The following HLCS variants were observed in gnomAD, a reference collection of about 807,000 sequenced individuals.
HLCS encodes the protein biotin--protein ligase.
HLCS carries 53 observed loss-of-function variants against 75.0 expected under a neutral mutation model. The ratio of observed to expected loss-of-function variants is 0.71; its 90% CI spans 0.57 to 0.89. The LOEUF is 0.89. Among genes scored for constraint, HLCS ranks in the 40% least tolerant of loss-of-function variants. The pLI, the probability that HLCS is intolerant of heterozygous loss-of-function variation, is 0.00. For synonymous variants in HLCS, 431 were observed against 428.6 expected, an observed-to-expected ratio of 1.01 and a Z score of -0.07; for missense variants, 966 against 1,074.0, an observed-to-expected ratio of 0.90 and a Z score of 1.41.
chr21:36,966,728 C>T (rs565231750), upstream of HLCS: 3 of 535,568 alleles, frequency 5.6e-6, no homozygotes, highest in African/African-American at 2.1e-5. Flanking sequence ...GCCGCGCCGC[C>T]CCCCCGGGCC....
intron 5 of HLCS, among the ~76,000 whole-genome samples, chr21:36,920,754 G>GA (rs966636880): frequency 6.6e-6 from 1 of 151,954 alleles, no homozygotes; most frequent in Non-Finnish European, 1.5e-5. Context: ...ATCACAGAAG[G>GA]AAAAAATACA....
At chr21:36,862,421 T>C (rs554082072) in intron 6 of HLCS, among the ~76,000 whole-genome samples, 4 of 152,252 alleles carry the variant, frequency 2.6e-5, no homozygotes, top group Admixed American at 2.6e-4. Flanking sequence ...TGTGGAAGAG[T>C]TCCAGTGTCT....
intron 6 of HLCS, among the ~76,000 whole-genome samples, chr21:36,787,475 C>A (rs12627271): frequency 6.6e-6 from 1 of 152,232 alleles, no homozygotes; most frequent in Non-Finnish European, 1.5e-5. Context: ...GGACCCTAAC[C>A]CTTCACTGCC....
At chr21:36,915,998 T>C (rs1261713803) in intron 5 of HLCS, among the ~76,000 whole-genome samples, 2 of 152,078 alleles carry the variant, frequency 1.3e-5, no homozygotes, top group Non-Finnish European at 2.9e-5. Flanking sequence ...TTACTAAATG[T>C]CTACTATAAG....
intron 6 of HLCS, among the ~76,000 whole-genome samples, chr21:36,799,027 G>T (rs1327463540): frequency 1.3e-5 from 2 of 152,012 alleles, no homozygotes; most frequent in African/African-American, 4.8e-5. Flanking sequence ...AGTTTTTTTA[G>T]ATCAAAGTCC....
intron 6 of HLCS, among the ~76,000 whole-genome samples, chr21:36,833,039 AT>A (rs113372337): frequency 0.06 from 8,585 of 143,500 alleles, 436 homozygotes; most frequent in African/African-American, 0.15. Context: ...ATAGAAGACC[AT>A]TTTTTTTTTT....
At chr21:36,912,647 CTTATT>C (rs2065768267) in intron 5 of HLCS, among the ~76,000 whole-genome samples, 1 of 152,014 alleles carries the variant, frequency 6.6e-6, no homozygotes, top group Non-Finnish European at 1.5e-5. Context: ...TAACAGTAAA[CTTATT>C]TTATATATAT....
chr21:36,891,538 A>G (rs1338991575), intron 6 of HLCS, among the ~76,000 whole-genome samples: 1 of 152,318 alleles, frequency 6.6e-6, no homozygotes, highest in East Asian at 1.9e-4. Flanking sequence ...GCAAAGACAC[A>G]GGTCTCACAG....
intron 10 of HLCS, among the ~76,000 whole-genome samples, 191 bp from the exon 11 acceptor site, chr21:36,754,608 C>T (rs918881305): frequency 1.3e-5 from 2 of 152,186 alleles, no homozygotes; most frequent in Non-Finnish European, 2.9e-5. Flanking sequence ...AAGAACTGCT[C>T]AAATAACCAG....
chr21:36,968,186 G>A (rs768620612), upstream of HLCS, among the ~76,000 whole-genome samples: 1 of 151,896 alleles, frequency 6.6e-6, no homozygotes, highest in Non-Finnish European at 1.5e-5. Flanking sequence ...ACAGGGTCTC[G>A]CTGTGTCGCC....
At chr21:36,814,543 A>G (rs1047775716) in intron 6 of HLCS, among the ~76,000 whole-genome samples, 3 of 152,244 alleles carry the variant, frequency 2.0e-5, no homozygotes, top group Non-Finnish European at 4.4e-5. Flanking sequence ...AAACATTCAT[A>G]ATATGGGGAA....
intron 6 of HLCS, among the ~76,000 whole-genome samples, chr21:36,862,322 C>T (rs1179806303): frequency 6.6e-6 from 1 of 152,192 alleles, no homozygotes; most frequent in Non-Finnish European, 1.5e-5. Flanking sequence ...AGCAGAGTTG[C>T]TGTATCACAT....
chr21:36,812,266 AAC>A (rs1301000040), intron 6 of HLCS, among the ~76,000 whole-genome samples: 1 of 152,188 alleles, frequency 6.6e-6, no homozygotes, highest in African/African-American at 2.4e-5. Flanking sequence ...ACTGGGAGGT[AAC>A]AGATTCTCAA....
chr21:36,888,389 A>ACTG (rs1227437788), intron 6 of HLCS, among the ~76,000 whole-genome samples: 1 of 144,362 alleles, frequency 6.9e-6, no homozygotes, highest in Non-Finnish European at 1.5e-5. Flanking sequence ...TTCTTAAATG[A>ACTG]CTGCAGCTAT....
In HLCS at chr21:36,750,554, G is replaced by C. The variant is rs989371805; in HGVS notation, c.*3692C>G. ...CCCTTCCGCCCTAAGCCCTAAGAGT[G>C]GGGGAGGTTTAATACGGCCAATGGA... On this transcript the variant is annotated 3_prime_UTR_variant, in exon 11 of 11. Coordinates refer to ENST00000674895, the MANE Select transcript of HLCS (RefSeq NM_001352514.2). Among the ~76,000 whole-genome samples the C allele has an allele frequency of 6.6e-6, 1 of 152,090 alleles. No homozygotes were observed. Among genetic ancestry groups the C allele is most frequent in the African/African-American group, 2.4e-5 (1 of 41,402 alleles).
intron 2 of HLCS, among the ~76,000 whole-genome samples, chr21:36,944,569 ATTT>A (rs1165246947): frequency 1.4e-5 from 2 of 146,176 alleles, no homozygotes; most frequent in East Asian, 3.9e-4. Context: ...CAATTTCTTT[ATTT>A]TTTTTCCTGC....
At chr21:36,902,300 T>C (rs1380771050) in intron 5 of HLCS, among the ~76,000 whole-genome samples, 6 of 152,116 alleles carry the variant, frequency 3.9e-5, no homozygotes, top group South Asian at 4.1e-4. Flanking sequence ...CATTTTCAGA[T>C]TGATGTGAAA....
intron 2 of HLCS, among the ~76,000 whole-genome samples, chr21:36,946,874 T>C (rs1476266043): frequency 2.0e-5 from 3 of 152,226 alleles, no homozygotes; most frequent in Non-Finnish European, 4.4e-5. Flanking sequence ...AGCAGAGTTC[T>C]ACATTTCAGA....
At chr21:36,929,778 A>T (rs891619631) in intron 5 of HLCS, among the ~76,000 whole-genome samples, 1 of 152,258 alleles carries the variant, frequency 6.6e-6, no homozygotes, top group Non-Finnish European at 1.5e-5. Context: ...GCATGGGCCA[A>T]GAGAATTCCC....
Sources: allele counts gnomAD v4.1 joint callset (sites outside exome capture counted in the v4.1 genomes callset), GRCh38; gene constraint gnomAD v4.1.1; transcripts MANE v1.5; gene names NCBI Gene and HGNC (gene_info 2026-07-23, HGNC 2026-07-21).